The following ARSG variants were observed in gnomAD, a reference collection of about 807,000 sequenced individuals.
ARSG encodes the protein ASG.
ARSG carries 37 observed loss-of-function variants against 50.5 expected under a neutral mutation model. That is an observed-to-expected ratio of 0.73 (90% CI 0.56 to 0.96). The LOEUF (loss-of-function observed/expected upper bound fraction) is 0.96, where lower values mean the gene tolerates loss of function less well. ARSG is among the 50% of genes least tolerant of loss of function. ARSG has a pLI of 0.00. For missense variants in ARSG, 629 were observed against 675.3 expected, an observed-to-expected ratio of 0.93 and a Z score of 0.76; for synonymous variants, 225 against 254.6, an observed-to-expected ratio of 0.88 and a Z score of 1.11.
chr17:68,412,815 C>G lies in ARSG; in HGVS notation c.1304-7374C>G, dbSNP rs1429187801. ...TCCCATATTTCTTGGAGGCTTTGCT[C>G]ATTTCTTTTTATTCTTTTTTCTCTA... On this transcript the variant is annotated intron_variant, in intron 11 of 11. Coordinates refer to ENST00000621439, the MANE Select transcript of ARSG (RefSeq NM_001267727.2). Among the ~76,000 whole-genome samples the G allele has an allele frequency of 1.3e-4, 20 of 152,112 alleles. No individual in the cohort carries two copies. In the East Asian group the frequency reaches 3.3e-3, roughly 25 times the overall value.
At chr17:68,286,250 C>T (rs1215981669) in intron 1 of ARSG, among the ~76,000 whole-genome samples, 3 of 152,180 alleles carry the variant, frequency 2.0e-5, no homozygotes, top group Non-Finnish European at 2.9e-5. Context: ...CCTGTATCAT[C>T]AGATGTTTAC....
At chr17:68,379,736 C>T (rs1162015186) in intron 8 of ARSG, 1 of 779,890 alleles carries the variant, frequency 1.3e-6, no homozygotes, top group African/African-American at 1.9e-5. Flanking sequence ...ATTCAATATG[C>T]TGGAGAGAGG....
At chr17:68,292,084 TG>T in intron 1 of ARSG, among the ~76,000 whole-genome samples, 1 of 152,218 alleles carries the variant, frequency 6.6e-6, no homozygotes, top group East Asian at 1.9e-4. Flanking sequence ...AGTGTCGCAG[TG>T]GGCCCCAGGG....
chr17:68,448,898 A>G, the ARSG span, among the ~76,000 whole-genome samples: 1 of 152,208 alleles, frequency 6.6e-6, no homozygotes, highest in African/African-American at 2.4e-5. Flanking sequence ...CCAAGAATGC[A>G]GGTTTCTTTT....
the ARSG span, among the ~76,000 whole-genome samples, chr17:68,438,825 C>T: frequency 2.0e-5 from 3 of 152,214 alleles, no homozygotes; most frequent in Non-Finnish European, 2.9e-5. Flanking sequence ...GTCTCGAACT[C>T]GTGACCTCAG....
chr17:68,332,315 T>A (rs2077811792), intron 2 of ARSG, among the ~76,000 whole-genome samples: 1 of 152,236 alleles, frequency 6.6e-6, no homozygotes, highest in Non-Finnish European at 1.5e-5. Context: ...AGCCAGACTT[T>A]AAGGTTATCT....
the ARSG span, chr17:68,436,519 A>C: frequency 6.3e-7 from 1 of 1,589,822 alleles, no homozygotes; most frequent in Non-Finnish European, 8.6e-7. Flanking sequence ...CCTGGGGCCA[A>C]GGGAGAGATT....
chr17:68,289,546 T>C (rs1052176864), upstream of ARSG, among the ~76,000 whole-genome samples: 4 of 152,208 alleles, frequency 2.6e-5, no homozygotes, highest in Non-Finnish European at 4.4e-5. Context: ...CTCTTCTTCT[T>C]AAAGGCGTAG....
At chr17:68,350,243 G>A (rs2078696200) in intron 4 of ARSG, among the ~76,000 whole-genome samples, 1 of 152,146 alleles carries the variant, frequency 6.6e-6, no homozygotes, top group African/African-American at 2.4e-5. Context: ...CTTTTAGGAA[G>A]GGTGCTTATA....
the ARSG span, chr17:68,444,354 CA>C: frequency 1.3e-6 from 1 of 741,632 alleles, no homozygotes; most frequent in Non-Finnish European, 2.3e-6. Flanking sequence ...GCCATTAAGA[CA>C]AAGCTTCGAG....
intron 1 of ARSG, among the ~76,000 whole-genome samples, chr17:68,292,971 T>C (rs1444946666): frequency 1.3e-5 from 2 of 152,228 alleles, no homozygotes; most frequent in African/African-American, 4.8e-5. Context: ...TTTATGGTAC[T>C]TGTAAAGTGC....
chr17:68,425,573 C>G (rs970350125), downstream of ARSG, among the ~76,000 whole-genome samples: 5 of 152,000 alleles, frequency 3.3e-5, no homozygotes, highest in African/African-American at 1.2e-4. Flanking sequence ...GGTCTGCCGG[C>G]CAGAGCTGCA....
downstream of ARSG, chr17:68,421,650 G>C: frequency 3.6e-6 from 5 of 1,394,434 alleles, no homozygotes; most frequent in Non-Finnish European, 5.1e-6. Flanking sequence ...TTAAGCAGTG[G>C]AGCACCCGGG....
At chr17:68,395,045 G>A (rs772084984) in intron 9 of ARSG, 28 bp from the exon 10 acceptor site, 1 of 1,612,582 alleles carries the variant, frequency 6.2e-7, no homozygotes, top group Non-Finnish European at 8.5e-7. Flanking sequence ...GAAGAGCTGG[G>A]GACAACTCAG....
At chr17:68,309,339 A>G (rs1265374459) in intron 2 of ARSG, among the ~76,000 whole-genome samples, 5 of 152,344 alleles carry the variant, frequency 3.3e-5, no homozygotes, top group Middle Eastern at 3.4e-3. Flanking sequence ...CGCCTTGGCC[A>G]GCCTAGAAAG....
intron 1 of ARSG, chr17:68,267,916 T>G (rs2075206076): frequency 6.6e-6 from 1 of 152,226 alleles, no homozygotes; most frequent in Admixed American, 6.5e-5. Context: ...CAGAAATGCT[T>G]CAATAATTAG....
At chr17:68,388,693 G>A (rs897853962) in intron 9 of ARSG, among the ~76,000 whole-genome samples, 1 of 152,106 alleles carries the variant, frequency 6.6e-6, no homozygotes, top group Non-Finnish European at 1.5e-5. Context: ...TTGGGAGGCC[G>A]AGGCGGGCGG....
downstream of ARSG, chr17:68,424,661 A>G: frequency 2.7e-6 from 1 of 367,762 alleles, no homozygotes; most frequent in Admixed American, 3.7e-5. Context: ...GGATCACTTG[A>G]GGTCAGGAGT....
At position 68,376,276 on chromosome 17, in the gene ARSG, C is replaced by CGTTTTT. The variant is rs149045241; in HGVS notation, c.982+5752_982+5753insGTTTTT. On this transcript the variant is annotated intron_variant, in intron 8 of 11. Transcript: ENST00000621439. ...CAGGAGTGTGCCACTGCGCCCCCTG[C>CGTTTTT]ATTTTTTTTTTTTTTTCTGAGATAG... 3.1e-3 allele frequency among the ~76,000 whole-genome samples: 403 copies of CGTTTTT among 131,894 alleles called. 43 individuals are homozygous for CGTTTTT. Among genetic ancestry groups the CGTTTTT allele is most frequent in the Non-Finnish European group, 2.9e-3 (186 of 63,662 alleles). The allele number at this position is 131,894 out of a possible 152,430, so 86.5% of individuals were successfully genotyped here.
Sources: gnomAD v4.1 joint callset for allele counts (sites outside exome capture counted in the v4.1 genomes callset) on GRCh38, gnomAD v4.1.1 for gene constraint, MANE v1.5 for transcripts, NCBI Gene and HGNC (gene_info 2026-07-23, HGNC 2026-07-21) for gene names.